Variants in RMDN2 observed in about 807,000 individuals in gnomAD.
RMDN2 encodes the protein regulator of microtubule dynamics 2.
In RMDN2, 61 loss-of-function variants were observed where a neutral mutation model predicts 52.8. The ratio of observed to expected loss-of-function variants is 1.16; its 90% CI spans 0.94 to 1.43. RMDN2 has a LOEUF of 1.43. RMDN2 is among the 40% of genes most tolerant of loss of function. The pLI is 0.00. For synonymous variants in RMDN2, 180 were observed against 153.1 expected (o/e 1.18, Z -1.30); for missense variants, 592 against 475.3 (o/e 1.25, Z -2.28).
At chr2:37,951,223 T>C in intron 2 of RMDN2, 1 of 1,545,308 alleles carries the variant, frequency 6.5e-7, no homozygotes, top group African/African-American at 1.4e-5. Flanking sequence ...GACCCTTTTC[T>C]CACTCTTAGC....
intron 2 of RMDN2, among the ~76,000 whole-genome samples, chr2:37,943,916 C>T (rs930726103): frequency 1.3e-5 from 2 of 152,092 alleles, no homozygotes; most frequent in African/African-American, 2.4e-5. Flanking sequence ...GCCCCTCCCC[C>T]ACCACCTAAG....
At chr2:37,993,986 C>G (rs1558524219) in intron 7 of RMDN2, among the ~76,000 whole-genome samples, 1 of 152,180 alleles carries the variant, frequency 6.6e-6, no homozygotes, top group African/African-American at 2.4e-5. Context: ...TCAAAATGGA[C>G]TCTGATCTTC....
intron 2 of RMDN2, among the ~76,000 whole-genome samples, chr2:37,958,160 A>T (rs1006782047): frequency 2.0e-5 from 3 of 152,182 alleles, no homozygotes; most frequent in African/African-American, 7.2e-5. Context: ...AGTTTAAAGT[A>T]GTTTTTTCTA....
At chr2:37,950,322 T>G (rs1668618038) in intron 2 of RMDN2, 1 of 814,406 alleles carries the variant, frequency 1.2e-6, no homozygotes, top group African/African-American at 1.7e-5. Context: ...CCTCCAACAG[T>G]GAAGGTAGAA....
At chr2:38,003,601 T>C (rs201426588) in intron 8 of RMDN2, among the ~76,000 whole-genome samples, 3,979 of 123,324 alleles carry the variant, frequency 0.032, 61 homozygotes, top group East Asian at 0.049. Flanking sequence ...GATAGATAGA[T>C]AGGCAGACAG....
intron 10 of RMDN2, among the ~76,000 whole-genome samples, chr2:38,051,706 TTCTACTC>T (rs932304752): frequency 4.6e-5 from 7 of 152,010 alleles, no homozygotes; most frequent in African/African-American, 1.7e-4. Context: ...CCCAATTTCA[TTCTACTC>T]TCTCTCTCTA....
chr2:37,945,007 G>T (rs1052710310), intron 2 of RMDN2, among the ~76,000 whole-genome samples: 1 of 152,204 alleles, frequency 6.6e-6, no homozygotes, highest in African/African-American at 2.4e-5. Flanking sequence ...GTACACCTTA[G>T]GTATTGGGAT....
chr2:38,004,026 T>A lies in RMDN2; in HGVS notation c.1080T>A (p.Asn360Lys). ...TATGCCCTGGTTATTCTAATCCCAA[T>A]TACATGTACTTAGCAAAGGTAATGA... ...EELCPGYSNPNYMYLAKCYTD... is the reference protein window; with the variant it reads ...EELCPGYSNPKYMYLAKCYTD... Residue 360 changes from asparagine to lysine, a missense_variant, in exon 9 of 11, where the codon AAT becomes AAA. Coordinates refer to ENST00000354545, the MANE Select transcript of RMDN2 (RefSeq NM_001170791.3). The A allele has an allele frequency of 6.2e-7, 1 of 1,613,286 alleles. No individual in the cohort carries two copies. Among genetic ancestry groups the A allele is most frequent in the East Asian group, 2.2e-5 (1 of 44,810 alleles).
At chr2:38,010,426 C>A (rs892877735) in intron 10 of RMDN2, among the ~76,000 whole-genome samples, 3 of 152,236 alleles carry the variant, frequency 2.0e-5, no homozygotes, top group Non-Finnish European at 4.4e-5. Context: ...TCCCCTCCCC[C>A]AGCCTTGCTG....
downstream of RMDN2, among the ~76,000 whole-genome samples, chr2:38,018,009 G>C (rs7568297): frequency 6.6e-6 from 1 of 151,956 alleles, no homozygotes; most frequent in South Asian, 2.1e-4. Flanking sequence ...GGAATTTCAC[G>C]AGATAATGTC....
intron 2 of RMDN2, among the ~76,000 whole-genome samples, chr2:37,968,438 CAAAAAAAAAAAAAA>C (rs71400332): frequency 1.1e-5 from 1 of 89,150 alleles, no homozygotes; most frequent in Non-Finnish European, 2.1e-5. Context: ...GACTCTGTCT[CAAAAAAAAAAAAAA>C]AAAAAAAAAG....
At chr2:37,938,503 AGCTGT>A in intron 2 of RMDN2, among the ~76,000 whole-genome samples, 1 of 152,172 alleles carries the variant, frequency 6.6e-6, no homozygotes, top group Non-Finnish European at 1.5e-5. Context: ...GGTAGAATTC[AGCTGT>A]GAATCTGTGT....
intron 4 of RMDN2, among the ~76,000 whole-genome samples, chr2:37,978,324 G>A (rs1445853179): frequency 3.1e-5 from 3 of 97,368 alleles, no homozygotes; most frequent in African/African-American, 5.4e-5. Context: ...GGGGAGGGGG[G>A]AGAGGGAGGG....
At position 37,946,196 on chromosome 2, in the gene RMDN2, A is replaced by T. The variant is rs561047871; in HGVS notation, c.452+16467A>T. Reference sequence around the variant, plus strand: ...AACAATTTTTTCTTTCTTACAATTGATGGTGTTTCTGACTCTATGAAATAG... The same window carrying T: ...AACAATTTTTTCTTTCTTACAATTGTTGGTGTTTCTGACTCTATGAAATAG... On this transcript the variant is annotated intron_variant, in intron 2 of 10. Coordinates refer to ENST00000354545, the MANE Select transcript of RMDN2 (RefSeq NM_001170791.3). 5.3e-5 allele frequency among the ~76,000 whole-genome samples: 8 copies of T among 152,284 alleles called. No homozygotes were observed. In the South Asian group the frequency reaches 1.7e-3, roughly 32 times the overall value.
chr2:38,033,533 C>A, intron 10 of RMDN2, among the ~76,000 whole-genome samples: 1 of 152,228 alleles, frequency 6.6e-6, no homozygotes, highest in East Asian at 1.9e-4. Context: ...TTTCACAACA[C>A]CATCTATGTT....
At chr2:37,942,190 C>T (rs957905848) in intron 2 of RMDN2, among the ~76,000 whole-genome samples, 2 of 152,098 alleles carry the variant, frequency 1.3e-5, no homozygotes, top group East Asian at 1.9e-4. Context: ...CTGGGTGAGG[C>T]GAAATCCCAC....
In RMDN2 at chr2:38,031,746, T is replaced by C. The variant is rs1680222185; in HGVS notation, c.1713+27530T>C. Among the ~76,000 whole-genome samples the C allele has an allele frequency of 2.0e-5, 3 of 152,294 alleles. No homozygotes were observed. The South Asian group carries it at 6.2e-4, about 32-fold the overall frequency. ...GAGGTGCAGAAGCAAAAGATGCACA[T>C]CCTCATTTGACCTCCCTTCTCAGTT... On this transcript the variant is annotated intron_variant, in intron 10 of 10. Transcript: ENST00000234195.
At chr2:38,020,668 G>A (rs922661125), downstream of RMDN2, among the ~76,000 whole-genome samples, 1 of 152,238 alleles carries the variant, frequency 6.6e-6, no homozygotes, top group Non-Finnish European at 1.5e-5. Context: ...AGCGGCTGCA[G>A]AGGGTGTGCT....
At chr2:38,041,804 G>A (rs1046159250) in intron 10 of RMDN2, among the ~76,000 whole-genome samples, 1 of 152,094 alleles carries the variant, frequency 6.6e-6, no homozygotes, top group Non-Finnish European at 1.5e-5. Flanking sequence ...AACCCCACTT[G>A]GGCACAGAGT....
Sources: gnomAD v4.1 joint callset for allele counts (sites outside exome capture counted in the v4.1 genomes callset) on GRCh38, gnomAD v4.1.1 for gene constraint, MANE v1.5 for transcripts, NCBI Gene and HGNC (gene_info 2026-07-23, HGNC 2026-07-21) for gene names.